SLC16A14: variants seen among roughly 807,000 people sequenced by gnomAD.
SLC16A14 encodes the protein solute carrier family 16 member 14, also known as monocarboxylate transporter 14.
Under a neutral mutation model 35.8 loss-of-function variants are expected in SLC16A14, and 14 were observed. That is an observed-to-expected ratio of 0.39 (90% CI 0.26 to 0.61). SLC16A14 has a LOEUF of 0.61. SLC16A14 is among the 20% of genes least tolerant of loss of function. The pLI is 0.51. For synonymous variants in SLC16A14, 248 were observed against 258.9 expected, an observed-to-expected ratio of 0.96 and a Z score of 0.40; for missense variants, 533 against 655.0, an observed-to-expected ratio of 0.81 and a Z score of 2.03.
chr2:230,041,588 T>G (rs1009957497), intron 4 of SLC16A14, among the ~76,000 whole-genome samples: 1 of 152,010 alleles, frequency 6.6e-6, no homozygotes, highest in Non-Finnish European at 1.5e-5. Context: ...TCTCCGCCTC[T>G]CAAAGTGCTG....
intron 1 of SLC16A14, chr2:230,067,065 C>T (rs1320869070): frequency 1.2e-5 from 2 of 168,674 alleles, no homozygotes; most frequent in African/African-American, 2.4e-5. Context: ...GTGGTAGCGG[C>T]TCTGCATCCC....
chr2:230,055,905 C>T (rs1038237448), intron 2 of SLC16A14, among the ~76,000 whole-genome samples: 1 of 152,166 alleles, frequency 6.6e-6, no homozygotes, highest in Non-Finnish European at 1.5e-5. Context: ...TCTAGAAACA[C>T]AGTTTTCCTT....
intron 4 of SLC16A14, among the ~76,000 whole-genome samples, chr2:230,041,773 A>T (rs1385676762): frequency 6.6e-6 from 1 of 151,916 alleles, no homozygotes; most frequent in East Asian, 1.9e-4. Flanking sequence ...GTTTTTTTTT[A>T]AAAAGAAGGT....
chr2:230,044,945 G>A (rs1239933603), intron 4 of SLC16A14, among the ~76,000 whole-genome samples: 1 of 152,152 alleles, frequency 6.6e-6, no homozygotes, highest in Non-Finnish European at 1.5e-5. Flanking sequence ...GGAAGCGAAT[G>A]TAGGGCTGGA....
chr2:230,051,635 T>C (rs1249431562), intron 2 of SLC16A14, among the ~76,000 whole-genome samples: 9 of 152,248 alleles, frequency 5.9e-5, no homozygotes, highest in Non-Finnish European at 1.3e-4. Flanking sequence ...ATTTTAATTA[T>C]CTTATTTTTG....
rs950678361 is a variant in SLC16A14, at chr2:230,068,300, G to C, written c.-15+255C>G. ...CGCGCGTCCCCAAGCTCCGCCTGGC[G>C]GTCTGCCCTGAACCGCCGGTTACCC... is the stretch of plus-strand genomic sequence containing the variant. On this transcript the variant is annotated intron_variant, in intron 1 of 4. Transcript: ENST00000295190. This position sits in a 1 kb window ranked among gnomAD's most constrained non-coding sequence, Gnocchi z 5.1. The C allele has an allele frequency of 2.0e-5, 3 of 152,476 alleles. No individual in the cohort carries two copies. The allele number at this position is 152,476 out of a possible 1,614,324, so 9.4% of individuals were successfully genotyped here. A position where few individuals can be genotyped will look rare whatever the true frequency, so the allele number is the denominator to read the frequency against.
chr2:230,047,559 C>A (rs1412669946), intron 3 of SLC16A14, among the ~76,000 whole-genome samples: 2 of 152,174 alleles, frequency 1.3e-5, no homozygotes, highest in Non-Finnish European at 2.9e-5. Context: ...CCTGCTTTGG[C>A]CTCTCAAAGT....
At chr2:230,059,902 G>A (rs1398393106) in intron 1 of SLC16A14, among the ~76,000 whole-genome samples, 1 of 152,178 alleles carries the variant, frequency 6.6e-6, no homozygotes, top group African/African-American at 2.4e-5. Flanking sequence ...GCCTCAGGGG[G>A]TCTGGCTCAT....
intron 3 of SLC16A14, 48 bp downstream of exon 3, chr2:230,049,713 G>A: frequency 6.3e-7 from 1 of 1,590,700 alleles, no homozygotes; most frequent in Non-Finnish European, 8.6e-7. Context: ...CTGCCAAGAT[G>A]TCTTATAAAA....
intron 4 of SLC16A14, among the ~76,000 whole-genome samples, chr2:230,045,436 T>G (rs1577386452): frequency 6.6e-6 from 1 of 152,264 alleles, no homozygotes; most frequent in East Asian, 1.9e-4. Flanking sequence ...GGTGCACACC[T>G]GTAATTCCAG....
chr2:230,053,056 C>T (rs1188579580), intron 2 of SLC16A14, among the ~76,000 whole-genome samples: 2 of 152,120 alleles, frequency 1.3e-5, no homozygotes, highest in Non-Finnish European at 2.9e-5. Context: ...ATTCTCCTGC[C>T]TCAGCCTCCT....
intron 3 of SLC16A14, among the ~76,000 whole-genome samples, chr2:230,047,735 T>C (rs1290040548): frequency 6.6e-6 from 1 of 152,276 alleles, no homozygotes; most frequent in Non-Finnish European, 1.5e-5. Flanking sequence ...AGATTTTAAA[T>C]GTTCTCATCA....
chr2:230,039,904 T>A (rs2077546606), intron 4 of SLC16A14, among the ~76,000 whole-genome samples: 1 of 152,204 alleles, frequency 6.6e-6, no homozygotes, highest in Admixed American at 6.5e-5. Context: ...TCGTTCAGAC[T>A]ATTTATTTAC....
chr2:230,049,862 T>C lies in SLC16A14; in HGVS notation c.302A>G (p.Gln101Arg), dbSNP rs775516454. ...GACGAGCCCTCCAATGATCGCAGTC[T>C]GGCGGCACCCACAGGTGTTAATGAA... is the stretch of plus-strand genomic sequence containing the variant. ...GLFINTCGCRQTAIIGGLVNS... is the reference protein window; with the variant it reads ...GLFINTCGCRRTAIIGGLVNS... Residue 101 changes from glutamine (Q) to arginine (R), a missense_variant, in exon 3 of 5, where the codon CAG (glutamine) becomes CGG (arginine). Physicochemically the swap from Gln to Arg is conservative, Grantham distance 43. Transcript: ENST00000295190. The C allele has an allele frequency of 2.5e-6, 4 of 1,614,152 alleles. No individual in the cohort carries two copies. In the South Asian group the frequency reaches 4.4e-5, roughly 18 times the overall value.
chr2:230,067,631 A>G (rs1298008945), intron 1 of SLC16A14, among the ~76,000 whole-genome samples: 1 of 151,980 alleles, frequency 6.6e-6, no homozygotes, highest in Non-Finnish European at 1.5e-5. Flanking sequence ...CAGACAAGGC[A>G]AAGGAGAATC....
At chr2:230,045,588 A>T in intron 4 of SLC16A14, 157 bp downstream of exon 4, 3 of 857,842 alleles carry the variant, frequency 3.5e-6, no homozygotes, top group Non-Finnish European at 5.5e-6. Flanking sequence ...ATAGGCTTTA[A>T]CTTGCTAAAA....
At chr2:230,056,499 G>A (rs186061851) in intron 2 of SLC16A14, among the ~76,000 whole-genome samples, 13 of 151,902 alleles carry the variant, frequency 8.6e-5, no homozygotes, top group Admixed American at 7.9e-4. Flanking sequence ...CAGGTGATCC[G>A]CTCGCCTCAG....
intron 4 of SLC16A14, among the ~76,000 whole-genome samples, chr2:230,041,254 G>A (rs994073957): frequency 1.3e-5 from 2 of 152,050 alleles, no homozygotes; most frequent in Non-Finnish European, 2.9e-5. Flanking sequence ...AATATTGGTC[G>A]GTCAAATCTG....
In SLC16A14 at chr2:230,045,811, C is replaced by T. The variant is rs375839267; in HGVS notation, c.1315G>A (p.Ala439Thr). Residue 439 changes from alanine (A) to threonine (T), a missense_variant, in exon 4 of 5, where the codon GCC becomes ACC. Transcript: ENST00000295190. ...TEDLVGIEHL[A>T]NAYGIIICAN... ...CAGATGATGATGCCGTAGGCATTGG[C>T]CAGGTGTTCAATGCCAACCAAGTCT... The T allele has an allele frequency of 9.9e-6, 16 of 1,614,024 alleles. No individual in the cohort carries two copies. Among genetic ancestry groups the T allele is most frequent in the Non-Finnish European group, 1.3e-5 (15 of 1,180,016 alleles).
Sources: allele counts gnomAD v4.1 joint callset (sites outside exome capture counted in the v4.1 genomes callset), GRCh38; gene constraint gnomAD v4.1.1; non-coding constraint Gnocchi (gnomAD v3.1); transcripts MANE v1.5; gene names NCBI Gene and HGNC (gene_info 2026-07-23, HGNC 2026-07-21).